Variants in IL21R observed in about 807,000 individuals in gnomAD.
IL21R encodes interleukin-21 receptor.
In IL21R, 14 loss-of-function variants were observed where a neutral mutation model predicts 41.3. The observed-to-expected ratio is 0.34, with a 90% CI of 0.22 to 0.53. The LOEUF is 0.53. Ranked by LOEUF, IL21R falls within the 20% of genes least tolerant of loss-of-function variation. The pLI, the probability that IL21R is intolerant of heterozygous loss-of-function variation, is 0.94. For missense variants in IL21R, 588 were observed against 681.6 expected (o/e 0.86, Z 1.53); for synonymous variants, 286 against 287.6 (o/e 0.99, Z 0.05).
chr16:27,417,849 C>G (rs2141267908), intron 1 of IL21R, among the ~76,000 whole-genome samples: 1 of 152,184 alleles, frequency 6.6e-6, no homozygotes, highest in African/African-American at 2.4e-5. Flanking sequence ...CGAAGTTGCT[C>G]TGGGTGTCAG....
chr16:27,443,150 GA>G (rs2087419839), intron 5 of IL21R, 34 bp downstream of exon 5: 1 of 1,551,118 alleles, frequency 6.4e-7, no homozygotes, highest in African/African-American at 1.4e-5. Context: ...AGCTTTGTGG[GA>G]GGGGAGGGGA....
chr16:27,434,959 C>A (rs568650030), intron 3 of IL21R, among the ~76,000 whole-genome samples: 1 of 152,264 alleles, frequency 6.6e-6, no homozygotes, highest in African/African-American at 2.4e-5. Context: ...TCAGCTCATT[C>A]ATTCATTCAA....
At chr16:27,425,557 T>G (rs1388522512) in intron 1 of IL21R, among the ~76,000 whole-genome samples, 4 of 151,050 alleles carry the variant, frequency 2.6e-5, no homozygotes, top group Non-Finnish European at 4.4e-5. Flanking sequence ...GTGTTTTGTT[T>G]TGTTTTTTTT....
chr16:27,434,477 G>A (rs200179643), intron 3 of IL21R, 28 bp downstream of exon 3: 134 of 1,450,732 alleles, frequency 9.2e-5, no homozygotes, highest in South Asian at 2.2e-4. Context: ...ACCAGTCCCC[G>A]GGGATGCAAT....
At chr16:27,409,212 A>T (rs1265694761) in intron 1 of IL21R, among the ~76,000 whole-genome samples, 4 of 146,872 alleles carry the variant, frequency 2.7e-5, no homozygotes, top group Non-Finnish European at 4.5e-5. Context: ...ATTATATATA[A>T]TTTATATTTT....
chr16:27,432,891 G>A (rs924271602), intron 2 of IL21R, among the ~76,000 whole-genome samples: 1 of 152,204 alleles, frequency 6.6e-6, no homozygotes, highest in Non-Finnish European at 1.5e-5. Context: ...TCTGTCATGT[G>A]TGCGGCTATG....
At chr16:27,405,853 A>G (rs1007499658) in intron 1 of IL21R, among the ~76,000 whole-genome samples, 1 of 152,266 alleles carries the variant, frequency 6.6e-6, no homozygotes, top group Non-Finnish European at 1.5e-5. Flanking sequence ...AGGGGCCACA[A>G]GGAGGGCCCC....
intron 1 of IL21R, among the ~76,000 whole-genome samples, chr16:27,416,941 C>G (rs179765): frequency 0.014 from 2,081 of 152,234 alleles, 17 homozygotes; most frequent in Non-Finnish European, 0.023. Flanking sequence ...TTTTGTAGCA[C>G]GTATCAGTAG....
At chr16:27,428,714 T>A (rs185367758) in intron 1 of IL21R, among the ~76,000 whole-genome samples, 3 of 152,364 alleles carry the variant, frequency 2.0e-5, no homozygotes, top group Admixed American at 2.0e-4. Flanking sequence ...AAACTCACTC[T>A]GCTCCCCAAA....
At chr16:27,432,507 C>T (rs540690532) in intron 2 of IL21R, among the ~76,000 whole-genome samples, 10 of 152,292 alleles carry the variant, frequency 6.6e-5, no homozygotes, top group East Asian at 3.9e-4. Flanking sequence ...CAGGGGCTGC[C>T]GTTGCCTCCC....
intron 3 of IL21R, among the ~76,000 whole-genome samples, chr16:27,435,623 T>G (rs1156628840): frequency 2.0e-5 from 3 of 151,180 alleles, no homozygotes; most frequent in African/African-American, 7.3e-5. Context: ...CTGGATAATT[T>G]TTGTAGTTTT....
chr16:27,404,442 A>G (rs1254366009), intron 1 of IL21R, among the ~76,000 whole-genome samples: 1 of 152,120 alleles, frequency 6.6e-6, no homozygotes, highest in Non-Finnish European at 1.5e-5. Context: ...TAGGGGGTGG[A>G]TACCAGAGGA....
At chr16:27,415,307 A>G (rs181193675) in intron 1 of IL21R, among the ~76,000 whole-genome samples, 110 of 152,358 alleles carry the variant, frequency 7.2e-4, no homozygotes, top group Non-Finnish European at 1.4e-3. Flanking sequence ...CAAATTTTAA[A>G]CTAATAGGAT....
In IL21R at chr16:27,446,028, C is replaced by T. The variant is rs746467550; in HGVS notation, c.807C>T (p.Ala269=). The change falls in exon 8 of 9, where the codon GCC becomes GCT. Residue 269 remains alanine, a synonymous_variant. Transcript: ENST00000337929. ...PLWRLWKKIW[A]VPSPERFFMP... ...TCAGGCTATGGAAGAAGATATGGGC[C>T]GTCCCCAGCCCTGAGCGGTTCTTCA... is the stretch of plus-strand genomic sequence containing the variant. 6.2e-6 allele frequency: 10 copies of T among 1,613,074 alleles called. No individual in the cohort carries two copies. Among genetic ancestry groups the T allele is most frequent in the South Asian group, 3.3e-5 (3 of 90,898 alleles).
chr16:27,407,060 G>C (rs114324862), intron 1 of IL21R, among the ~76,000 whole-genome samples: 1 of 152,198 alleles, frequency 6.6e-6, no homozygotes, highest in Non-Finnish European at 1.5e-5. Context: ...GGTCTGGGGG[G>C]AGTTTCTGGG....
rs3093300 is a variant in IL21R at position 27,429,497 on chromosome 16, C to T, written c.-16-559C>T. ...CTCTTTAAATTCACCTTGTGCTGGGCGTGGTGACTCATGCCTGTCATCCCA... is the reference window on the plus strand; with the variant it reads ...CTCTTTAAATTCACCTTGTGCTGGGTGTGGTGACTCATGCCTGTCATCCCA... On this transcript the variant is annotated intron_variant, in intron 1 of 8. Coordinates refer to ENST00000337929, the MANE Select transcript of IL21R (RefSeq NM_181078.3). Among the ~76,000 whole-genome samples, 429 of 151,900 alleles carry T rather than the reference C, an allele frequency of 2.8e-3. 3 individuals carry two copies. Among genetic ancestry groups the T allele is most frequent in the African/African-American group, 9.7e-3 (402 of 41,428 alleles).
chr16:27,435,145 G>A (rs2087245817), intron 3 of IL21R, among the ~76,000 whole-genome samples: 1 of 152,070 alleles, frequency 6.6e-6, no homozygotes, highest in South Asian at 2.1e-4. Flanking sequence ...TGTAATCCCA[G>A]CTACTTGAGA....
chr16:27,444,618 G>C lies in IL21R; in HGVS notation c.584G>C (p.Ser195Thr). Residue 195 changes from serine (S) to threonine (T), a missense_variant, in exon 6 of 9, where the codon AGC becomes ACC. Transcript: ENST00000337929. ...CCCCTGGAGTTCCGCAAAGACTCGA[G>C]CTATGAGCTGCAGGTGCGGGCAGGG... ...LLPLEFRKDSSYELQVRAGPM... is the reference protein window; with the variant it reads ...LLPLEFRKDSTYELQVRAGPM... 1 of 1,589,108 alleles carries C rather than the reference G, an allele frequency of 6.3e-7. No individual in the cohort carries two copies. Among genetic ancestry groups the C allele is most frequent in the Non-Finnish European group, 8.6e-7 (1 of 1,167,820 alleles).
chr16:27,448,531 C>A lies in IL21R; in HGVS notation c.868-3C>A. 3.2e-6 allele frequency: 5 copies of A among 1,586,106 alleles called. No homozygotes were observed. Among genetic ancestry groups the A allele is most frequent in the Non-Finnish European group, 3.4e-6 (4 of 1,168,452 alleles). On this transcript the variant is annotated splice_region_variant and splice_polypyrimidine_tract_variant and intron_variant, in intron 8 of 8. Transcript: ENST00000337929. ...TATGACTCTCTCTTTTTCTCTCTCA[C>A]AGAAATGGGTGGGTGCACCCTTCAC...
Sources: gnomAD v4.1 joint callset for allele counts (sites outside exome capture counted in the v4.1 genomes callset) on GRCh38, gnomAD v4.1.1 for gene constraint, MANE v1.5 for transcripts, NCBI Gene and HGNC (gene_info 2026-07-23, HGNC 2026-07-21) for gene names.